The following PRAG1 variants were observed in gnomAD, a reference collection of about 807,000 sequenced individuals.
PRAG1 encodes the protein PEAK1 related, kinase-activating pseudokinase 1.
A neutral mutation model predicts 95.6 loss-of-function variants in PRAG1; 110 were observed. The observed-to-expected ratio is 1.15, with a 90% CI of 0.99 to 1.35. PRAG1 has a LOEUF of 1.35. Ranked by LOEUF, PRAG1 falls within the 40% of genes most tolerant of loss-of-function variation. The probability of loss-of-function intolerance (pLI) is 0.00; values close to 1 mark genes in which losing one functional copy is unlikely to be tolerated. For missense variants in PRAG1, 2,554 were observed against 1,864.7 expected, an observed-to-expected ratio of 1.37 and a Z score of -6.81; for synonymous variants, 1,052 against 819.4, an observed-to-expected ratio of 1.28 and a Z score of -4.85.
intron 5 of PRAG1, among the ~76,000 whole-genome samples, chr8:8,320,873 G>A (rs141123733): frequency 5.9e-5 from 9 of 152,332 alleles, no homozygotes; most frequent in African/African-American, 2.2e-4. Flanking sequence ...ATGAAACCTG[G>A]CATACAAGAG....
chr8:8,331,741 C>G (rs1001885046), intron 4 of PRAG1, among the ~76,000 whole-genome samples: 6 of 152,120 alleles, frequency 3.9e-5, no homozygotes, highest in Non-Finnish European at 5.9e-5. Flanking sequence ...CACAAAAAAC[C>G]CTTCGTGTAT....
chr8:8,359,855 A>T (rs1166377021), intron 3 of PRAG1, among the ~76,000 whole-genome samples: 1 of 152,210 alleles, frequency 6.6e-6, no homozygotes, highest in East Asian at 1.9e-4. Context: ...CTAATTTATC[A>T]TTAAATCCCT....
intron 3 of PRAG1, among the ~76,000 whole-genome samples, chr8:8,362,228 A>G (rs1799865927): frequency 6.6e-6 from 1 of 152,190 alleles, no homozygotes; most frequent in Admixed American, 6.5e-5. Context: ...AAGCTGTATG[A>G]GGTGGCCATG....
At chr8:8,322,304 C>T (rs1183306234) in intron 5 of PRAG1, among the ~76,000 whole-genome samples, 1 of 152,108 alleles carries the variant, frequency 6.6e-6, no homozygotes, top group Non-Finnish European at 1.5e-5. Context: ...CCTCAGCCTC[C>T]TGAGTAGCTG....
chr8:8,328,187 C>T lies in PRAG1; in HGVS notation c.2595G>A (p.Ser865=), dbSNP rs764842853. 8.1e-6 allele frequency: 13 copies of T among 1,614,046 alleles called. No individual in the cohort carries two copies. The highest frequency in any genetic ancestry group is 3.3e-5 in the Admixed American group (2 of 60,008). ...NVHDESHFSY[S]LSPGNRHHPV... Reference sequence around the variant, plus strand: ...GATGGTGGCGGTTCCCGGGGCTCAACGAATAGCTAAAGTGAGATTCGTCGT... The same window carrying T: ...GATGGTGGCGGTTCCCGGGGCTCAATGAATAGCTAAAGTGAGATTCGTCGT... The change falls in exon 5 of 6, where the codon TCG becomes TCA. Residue 865 remains serine, a synonymous_variant. Coordinates refer to ENST00000615670, the MANE Select transcript of PRAG1 (RefSeq NM_001080826.3).
At chr8:8,331,762 G>A (rs373199274) in intron 4 of PRAG1, among the ~76,000 whole-genome samples, 14 of 152,188 alleles carry the variant, frequency 9.2e-5, no homozygotes, top group African/African-American at 3.1e-4. Context: ...TCAGGCAGCT[G>A]GAAGGAAGTG....
intron 3 of PRAG1, among the ~76,000 whole-genome samples, chr8:8,340,789 T>A (rs1369576280): frequency 6.6e-6 from 1 of 151,984 alleles, no homozygotes; most frequent in East Asian, 1.9e-4. Context: ...CACGTCCCTC[T>A]CCCCACTCCC....
At chr8:8,374,492 G>A (rs1800314483) in intron 3 of PRAG1, 2 of 226,458 alleles carry the variant, frequency 8.8e-6, no homozygotes, top group Non-Finnish European at 1.5e-5. Flanking sequence ...ACCTTAGGCT[G>A]GTTACCCTAG....
intron 1 of PRAG1, among the ~76,000 whole-genome samples, chr8:8,383,309 G>A (rs576959081): frequency 7.2e-5 from 11 of 152,288 alleles, no homozygotes; most frequent in African/African-American, 2.2e-4. Flanking sequence ...GGTGGCTCAC[G>A]CCTGTAATCC....
rs1021192972 is a variant in PRAG1 at position 8,378,206 on chromosome 8, G to A, written c.331-128C>T. 4.5e-6 allele frequency: 5 copies of A among 1,106,898 alleles called. No individual in the cohort carries two copies. In the South Asian group the frequency reaches 7.2e-5, roughly 16 times the overall value. 68.6% of individuals were successfully genotyped at this position (1,106,898 alleles called of 1,614,324 possible). A position where few individuals can be genotyped will look rare whatever the true frequency, so the allele number is the denominator to read the frequency against. ...TTCTGTAGTGCAGTGCAGGGGCGCT[G>A]GGGCCGGGGACTCAGTGCACGCCCA... is the stretch of plus-strand genomic sequence containing the variant. On this transcript the variant is annotated intron_variant, in intron 2 of 5. Coordinates refer to ENST00000615670, the MANE Select transcript of PRAG1 (RefSeq NM_001080826.3).
chr8:8,368,225 C>G (rs1367597688), intron 3 of PRAG1, among the ~76,000 whole-genome samples: 1 of 152,146 alleles, frequency 6.6e-6, no homozygotes, highest in African/African-American at 2.4e-5. Context: ...TTTAAAGTAG[C>G]CTTCGGCCTG....
chr8:8,326,183 T>C lies in PRAG1; in HGVS notation c.3072+1527A>G, dbSNP rs924404013. Among the ~76,000 whole-genome samples, 59 of 147,790 alleles carry C rather than the reference T, an allele frequency of 4.0e-4. 1 individual carries two copies. Among genetic ancestry groups the C allele is most frequent in the African/African-American group, 1.4e-3 (56 of 40,756 alleles). On this transcript the variant is annotated intron_variant, in intron 5 of 5. Coordinates refer to ENST00000615670, the MANE Select transcript of PRAG1 (RefSeq NM_001080826.3). ...AATAAATAATTATAAATAATATATA[T>C]TGAATATTAGTATTATTACTACTAT...
chr8:8,319,260 G>C lies in PRAG1; in HGVS notation c.3115C>G (p.Pro1039Ala), dbSNP rs1286574105. The C allele has an allele frequency of 6.5e-7, 1 of 1,532,492 alleles. No individual in the cohort carries two copies. Among genetic ancestry groups the C allele is most frequent in the Admixed American group, 1.9e-5 (1 of 51,816 alleles). The allele number at this position is 1,532,492 out of a possible 1,614,324, so 94.9% of individuals were successfully genotyped here. A position where few individuals can be genotyped will look rare whatever the true frequency, so the allele number is the denominator to read the frequency against. The change falls in exon 6 of 6, where the codon CCG (proline) becomes GCG (alanine). Residue 1039 changes from proline to alanine, a missense_variant. Physicochemically the swap from Pro to Ala is conservative, Grantham distance 27. Coordinates refer to ENST00000615670, the MANE Select transcript of PRAG1 (RefSeq NM_001080826.3). ...PEPKTVSYCSPSVPVHFNIQQ... is the reference protein window; with the variant it reads ...PEPKTVSYCSASVPVHFNIQQ... ...ATGTTAAAGTGCACGGGCACGGACG[G>C]GCTGCAGTAGGAGACTGTTTTGGGC...
rs370522760 is a variant in PRAG1, at chr8:8,335,753, G to A, written c.2320+3725C>T. On this transcript the variant is annotated intron_variant, in intron 4 of 5. Coordinates refer to ENST00000615670, the MANE Select transcript of PRAG1 (RefSeq NM_001080826.3). ...TGGCTTGATTTTTCTCCTGGCACTC[G>A]CTGCCTTCTGACCAGTAGCTACTTT... Among the ~76,000 whole-genome samples, 106 of 151,548 alleles carry A rather than the reference G, an allele frequency of 7.0e-4. 1 individual carries two copies. Among genetic ancestry groups the A allele is most frequent in the Non-Finnish European group, 1.4e-3 (93 of 67,912 alleles).
intron 2 of PRAG1, 26 bp downstream of exon 2, chr8:8,381,392 A>G (rs1208329571): frequency 1.3e-6 from 2 of 1,580,272 alleles, no homozygotes; most frequent in Non-Finnish European, 1.7e-6. Context: ...CCCTGTAAAA[A>G]TACCACGAGT....
intron 2 of PRAG1, among the ~76,000 whole-genome samples, chr8:8,380,960 C>A (rs950745113): frequency 6.7e-6 from 1 of 149,696 alleles, no homozygotes; most frequent in Non-Finnish European, 1.5e-5. Context: ...GATGTGATAT[C>A]TGGGTTTGCT....
chr8:8,318,512 G>A lies in PRAG1; in HGVS notation c.3863C>T (p.Pro1288Leu), dbSNP rs759226389. 1.9e-6 allele frequency: 3 copies of A among 1,611,762 alleles called. No homozygotes were observed. Among genetic ancestry groups the A allele is most frequent in the South Asian group, 2.2e-5 (2 of 91,046 alleles). The change falls in exon 6 of 6, where the codon CCG becomes CTG. Residue 1288 changes from proline to leucine, a missense_variant. Pro to Leu is a moderately conservative substitution (Grantham distance 98). Coordinates refer to ENST00000615670, the MANE Select transcript of PRAG1 (RefSeq NM_001080826.3). The surrounding 1 kb of genome is among the most constrained non-coding windows in gnomAD (Gnocchi z 4.2). ...GTAGAGGGACAGCGCGGGCAGCGGC[G>A]GCAGGTCCTCCTGCCGGTAGTCTCT... ...RERDYRQEDL[P>L]PLPALSLYSP...
chr8:8,376,783 G>A lies in PRAG1; in HGVS notation c.1626C>T (p.Pro542=), dbSNP rs559968102. 7.7e-5 allele frequency: 124 copies of A among 1,610,978 alleles called. No homozygotes were observed. The highest frequency in any genetic ancestry group is 1.1e-4 in the African/African-American group (8 of 75,042). The part of the protein sequence containing the change: ...SASESKPKER[P]AIPPKLSKSS... ...TCTTGGACAACTTGGGGGGAATGGC[G>A]GGCCTCTCCTTGGGCTTGCTCTCGC... Residue 542 remains proline (P), a synonymous_variant, in exon 3 of 6, where the codon CCC becomes CCT. Transcript: ENST00000615670.
chr8:8,349,266 C>CTATTTATTTATT (rs10672013), intron 3 of PRAG1, among the ~76,000 whole-genome samples: 2,421 of 149,324 alleles, frequency 0.016, 64 homozygotes, highest in African/African-American at 0.056. Context: ...ATCTATCTAT[C>CTATTTATTTATT]TATTTATTTA....
Sources: gnomAD v4.1 joint callset for allele counts (sites outside exome capture counted in the v4.1 genomes callset) on GRCh38, gnomAD v4.1.1 for gene constraint, Gnocchi (gnomAD v3.1) non-coding constraint, MANE v1.5 for transcripts, NCBI Gene and HGNC (gene_info 2026-07-23, HGNC 2026-07-21) for gene names.